Variants in CD36 observed in about 807,000 individuals in gnomAD.
CD36 encodes platelet glycoprotein 4.
CD36 carries 119 observed loss-of-function variants against 55.2 expected under a neutral mutation model. That is an observed-to-expected ratio of 2.15 (90% CI 1.86 to 2.51). The LOEUF is 2.51. CD36 is among the 30% of genes most tolerant of loss of function. CD36 has a pLI of 0.00. For missense variants in CD36, 819 were observed against 555.5 expected (o/e 1.47, Z -4.77); for synonymous variants, 186 against 193.6 (o/e 0.96, Z 0.33).
At chr7:80,656,931 A>C (rs1477117033) in intron 4 of CD36, among the ~76,000 whole-genome samples, 1 of 152,166 alleles carries the variant, frequency 6.6e-6, no homozygotes, top group Non-Finnish European at 1.5e-5. Flanking sequence ...AATATTTATT[A>C]GACAATATAT....
chr7:80,603,088 G>T (rs1792332563), intron 1 of CD36, among the ~76,000 whole-genome samples: 1 of 152,048 alleles, frequency 6.6e-6, no homozygotes, highest in Admixed American at 6.6e-5. Flanking sequence ...GGCAGATTTT[G>T]TTACATAGCA....
At chr7:80,635,822 A>G (rs115168558), upstream of CD36, among the ~76,000 whole-genome samples, 3,230 of 152,238 alleles carry the variant, frequency 0.021, 127 homozygotes, top group African/African-American at 0.073. Flanking sequence ...ATGAAGAAGC[A>G]GCATAATAGT....
intron 1 of CD36, among the ~76,000 whole-genome samples, chr7:80,627,821 T>C (rs1041622686): frequency 6.6e-6 from 1 of 152,058 alleles, no homozygotes; most frequent in Non-Finnish European, 1.5e-5. Context: ...AACTGGTACA[T>C]TGCATCATTT....
intron 1 of CD36, among the ~76,000 whole-genome samples, chr7:80,645,041 A>G (rs1013755603): frequency 1.4e-5 from 2 of 140,478 alleles, no homozygotes; most frequent in East Asian, 2.1e-4. Flanking sequence ...TTTTTTTGAG[A>G]TGGAGTTTCA....
At chr7:80,669,698 T>G (rs979492358) in intron 8 of CD36, among the ~76,000 whole-genome samples, 9 of 152,144 alleles carry the variant, frequency 5.9e-5, no homozygotes, top group Non-Finnish European at 1.3e-4. Flanking sequence ...GGTTTCACCA[T>G]GTAGGCCAGG....
At position 80,671,163 on chromosome 7, in the gene CD36, A is replaced by T; in HGVS notation, c.1005A>T (p.Glu335Asp). ...YGVLDISKCK[E>D]GRPVYISLPH... Reference sequence around the variant, plus strand: ...TGCTAGACATCAGCAAATGCAAAGAAGGTGAGTAAATAACCTCAGTAGCAC... The same window carrying T: ...TGCTAGACATCAGCAAATGCAAAGATGGTGAGTAAATAACCTCAGTAGCAC... The change falls in exon 10 of 15, where the codon GAA becomes GAT. Residue 335 changes from glutamate (E) to aspartate (D), a missense_variant and splice_region_variant. Physicochemically the swap from Glu to Asp is conservative, Grantham distance 45. Coordinates refer to ENST00000447544, the MANE Select transcript of CD36 (RefSeq NM_001001548.3). The T allele has an allele frequency of 6.3e-7, 1 of 1,599,178 alleles. No homozygotes were observed. Among genetic ancestry groups the T allele is most frequent in the Non-Finnish European group, 8.6e-7 (1 of 1,167,710 alleles).
Position 80,674,158 on chromosome 7 carries a change from AC to A in CD36, c.*13del. ...AAAACAATAAAATAAGTAAGTATGT[AC>A]CAAAAAATATTGCTTCAATAATATT... On this transcript the variant is annotated intron_variant, in intron 14 of 14. Coordinates refer to ENST00000447544, the MANE Select transcript of CD36 (RefSeq NM_001001548.3). 6.3e-7 allele frequency: 1 copy of A among 1,584,924 alleles called. No homozygotes were observed. The highest frequency in any genetic ancestry group is 8.7e-7 in the Non-Finnish European group (1 of 1,154,796).
At chr7:80,634,947 TAAAAA>T (rs929609349), upstream of CD36, among the ~76,000 whole-genome samples, 2 of 151,366 alleles carry the variant, frequency 1.3e-5, no homozygotes, top group East Asian at 3.9e-4. Flanking sequence ...ATTGTCAAAT[TAAAAA>T]AAAATTGTCA....
intron 1 of CD36, among the ~76,000 whole-genome samples, chr7:80,644,249 C>A (rs1795000421): frequency 6.6e-6 from 1 of 152,132 alleles, no homozygotes; most frequent in Non-Finnish European, 1.5e-5. Flanking sequence ...TACCACTCCA[C>A]CCTGAACAAT....
Position 80,649,570 on chromosome 7 carries a change from A to G in CD36, c.120+2710A>G, listed in dbSNP as rs1249663329. Among the ~76,000 whole-genome samples the G allele has an allele frequency of 3.9e-5, 6 of 152,204 alleles. No individual in the cohort carries two copies. In the East Asian group the frequency reaches 1.2e-3, roughly 29 times the overall value. ...TTAAATTAGAGGAGTAAAAGCATCA[A>G]ACTCAAGATGTCCAGTGAGTTATTG... On this transcript the variant is annotated intron_variant, in intron 3 of 14. Transcript: ENST00000447544.
chr7:80,614,546 T>C (rs1172768801), intron 1 of CD36, among the ~76,000 whole-genome samples: 1 of 152,204 alleles, frequency 6.6e-6, no homozygotes, highest in Non-Finnish European at 1.5e-5. Context: ...ATGTCTCTTG[T>C]ACATTAGTCT....
At chr7:80,659,132 AT>A (rs543675348) in intron 4 of CD36, among the ~76,000 whole-genome samples, 1 of 152,208 alleles carries the variant, frequency 6.6e-6, no homozygotes, top group Non-Finnish European at 1.5e-5. Context: ...AGTGCCTTAA[AT>A]AATGGAAAAA....
rs535714149 is a variant in CD36, at chr7:80,654,301, C to T, written c.121-2239C>T. Among the ~76,000 whole-genome samples the T allele has an allele frequency of 2.6e-5, 4 of 152,128 alleles. 1 individual carries two copies. Among genetic ancestry groups the T allele is most frequent in the African/African-American group, 9.6e-5 (4 of 41,510 alleles). On this transcript the variant is annotated intron_variant, in intron 3 of 14. Transcript: ENST00000447544. ...TTTCTTTCATTAAGAGATATTAGGT[C>T]GGTACAAAAGTAATTGTGATTTTTG...
intron 1 of CD36, among the ~76,000 whole-genome samples, chr7:80,643,857 A>G (rs1794972615): frequency 6.6e-6 from 1 of 152,172 alleles, no homozygotes; most frequent in Admixed American, 6.5e-5. Context: ...CTTCATCTCA[A>G]TTGAACCAGC....
intron 4 of CD36, among the ~76,000 whole-genome samples, chr7:80,659,807 C>T (rs1290141078): frequency 6.6e-6 from 1 of 152,028 alleles, no homozygotes; most frequent in East Asian, 1.9e-4. Context: ...TACAATTGTC[C>T]TGAGTGCTGT....
At position 80,673,426 on chromosome 7, in the gene CD36, G is replaced by GTTAGTCATTAAAAACAACCT. The variant is rs1562827274; in HGVS notation, c.1254+19_1254+38dup. The GTTAGTCATTAAAAACAACCT allele has an allele frequency of 6.6e-7, 1 of 1,507,526 alleles. No individual in the cohort carries two copies. Among genetic ancestry groups the GTTAGTCATTAAAAACAACCT allele is most frequent in the African/African-American group, 1.4e-5 (1 of 72,930 alleles). The allele number at this position is 1,507,526 out of a possible 1,614,324, so 93.4% of individuals were successfully genotyped here. A position where few individuals can be genotyped will look rare whatever the true frequency, so the allele number is the denominator to read the frequency against. On this transcript the variant is annotated intron_variant, in intron 13 of 14. Transcript: ENST00000447544. ...CTTAATGAGGTTTGTATTTGCAGCTGTTAGTCATTAAAAACAACCTTCTTT... is the reference window on the plus strand; with the variant it reads ...CTTAATGAGGTTTGTATTTGCAGCTGTTAGTCATTAAAAACAACCTTTAGTCATTAAAAACAACCTTCTTT...
intron 8 of CD36, among the ~76,000 whole-genome samples, chr7:80,667,923 G>A (rs555656666): frequency 6.6e-6 from 1 of 151,584 alleles, no homozygotes; most frequent in Non-Finnish European, 1.5e-5. Flanking sequence ...GCTAATTTTT[G>A]TATTTTTAGT....
chr7:80,606,772 T>C (rs1584256240), intron 1 of CD36, among the ~76,000 whole-genome samples: 1 of 152,326 alleles, frequency 6.6e-6, no homozygotes, highest in South Asian at 2.1e-4. Flanking sequence ...GCATGCACAG[T>C]ACTGTTCTTT....
chr7:80,646,543 T>C (rs1321237499), intron 2 of CD36, 109 bp from the exon 3 acceptor site: 6 of 626,308 alleles, frequency 9.6e-6, no homozygotes, highest in African/African-American at 1.8e-5. Context: ...AAAGCATTTG[T>C]TTATTTAGAA....
Sources: allele counts gnomAD v4.1 joint callset (sites outside exome capture counted in the v4.1 genomes callset), GRCh38; gene constraint gnomAD v4.1.1; transcripts MANE v1.5; gene names NCBI Gene and HGNC (gene_info 2026-07-23, HGNC 2026-07-21).